Variants in PRELID2 observed in about 807,000 individuals in gnomAD.
PRELID2 encodes the protein PRELI domain containing 2.
In PRELID2, 25 loss-of-function variants were observed where a neutral mutation model predicts 28.4. That is an observed-to-expected ratio of 0.88 (90% CI 0.64 to 1.23). The LOEUF (loss-of-function observed/expected upper bound fraction) is 1.23, where lower values mean the gene tolerates loss of function less well. Among genes scored for constraint, PRELID2 ranks in the 50% most tolerant of loss-of-function variants. The probability of loss-of-function intolerance (pLI) is 0.00; values close to 1 mark genes in which losing one functional copy is unlikely to be tolerated. For synonymous variants in PRELID2, 76 were observed against 71.6 expected (o/e 1.06, Z -0.31); for missense variants, 201 against 214.4 (o/e 0.94, Z 0.39).
the PRELID2 span, among the ~76,000 whole-genome samples, chr5:145,361,221 C>G: frequency 2.0e-5 from 3 of 152,254 alleles, no homozygotes; most frequent in Admixed American, 2.0e-4. Context: ...TTTAAAAATG[C>G]AACTGTTTTC....
chr5:145,801,848 G>C (rs940550263), intron 4 of PRELID2, among the ~76,000 whole-genome samples: 2 of 152,130 alleles, frequency 1.3e-5, no homozygotes, highest in African/African-American at 4.8e-5. Context: ...ACCTGATTGT[G>C]CTTATTTCGC....
At chr5:145,565,194 C>T (rs1752954938) in intron 1 of PRELID2, among the ~76,000 whole-genome samples, 2 of 152,210 alleles carry the variant, frequency 1.3e-5, no homozygotes, top group African/African-American at 2.4e-5. Flanking sequence ...AAGCCATTTT[C>T]TAAACCTAAA....
intron 1 of PRELID2, among the ~76,000 whole-genome samples, chr5:145,543,109 A>T (rs1162416580): frequency 2.0e-5 from 3 of 152,084 alleles, no homozygotes; most frequent in African/African-American, 7.2e-5. Context: ...TCTAGGTCAA[A>T]TATTCCTACT....
chr5:145,568,953 A>G (rs1207118725), intron 1 of PRELID2, among the ~76,000 whole-genome samples: 1 of 152,246 alleles, frequency 6.6e-6, no homozygotes, highest in East Asian at 1.9e-4. Flanking sequence ...ATAAAGAAAC[A>G]TGGCAGTCTG....
At chr5:145,418,608 T>G in the PRELID2 span, among the ~76,000 whole-genome samples, 1 of 152,130 alleles carries the variant, frequency 6.6e-6, no homozygotes, top group Non-Finnish European at 1.5e-5. Context: ...CCATCTTATC[T>G]TCCACAAACC....
chr5:145,359,534 G>A, the PRELID2 span, among the ~76,000 whole-genome samples: 3 of 152,260 alleles, frequency 2.0e-5, no homozygotes, highest in East Asian at 5.8e-4. Context: ...ATGACCACAT[G>A]GTAGAAATAA....
chr5:145,494,341 T>G (rs1752291379), intron 1 of PRELID2, among the ~76,000 whole-genome samples: 1 of 152,170 alleles, frequency 6.6e-6, no homozygotes. Context: ...TAGGCACAAA[T>G]CAGTATTCAG....
intron 1 of PRELID2, among the ~76,000 whole-genome samples, chr5:145,559,064 C>T (rs1340874668): frequency 2.0e-5 from 3 of 152,032 alleles, no homozygotes; most frequent in Non-Finnish European, 4.4e-5. Flanking sequence ...ACCATCCTGG[C>T]TAACATGGTG....
intron 1 of PRELID2, among the ~76,000 whole-genome samples, chr5:145,491,785 A>T (rs1364517230): frequency 3.3e-5 from 5 of 151,932 alleles, no homozygotes; most frequent in African/African-American, 1.2e-4. Context: ...TCATATAATG[A>T]GATCATGTGG....
intron 1 of PRELID2, chr5:145,473,399 A>G (rs998352073): frequency 6.6e-6 from 1 of 152,194 alleles, no homozygotes; most frequent in Admixed American, 6.6e-5. Flanking sequence ...TAGTAAACAC[A>G]TAGGATTCCA....
chr5:145,528,728 GA>G (rs1561500426), intron 1 of PRELID2, among the ~76,000 whole-genome samples: 1 of 42,150 alleles, frequency 2.4e-5, no homozygotes, highest in African/African-American at 8.0e-5. Flanking sequence ...CACACACACA[GA>G]GAGAGAGAGA....
chr5:145,834,950 T>C, intron 1 of PRELID2: 1 of 434,880 alleles, frequency 2.3e-6, no homozygotes, highest in Non-Finnish European at 4.1e-6. Flanking sequence ...GAAAGCCTCT[T>C]CTTTCAGCTG....
In PRELID2 at chr5:145,595,161, GACACACAC is replaced by G. The variant is rs3038287; in HGVS notation, n.71-121854_71-121847del. ...AAGAAGAAGAAGAAGAGTCATAATA[GACACACAC>G]ACACACACACACACACACACACACA... On this transcript the variant is annotated intron_variant and non_coding_transcript_variant, in intron 1 of 2. Transcript: ENST00000510259. Among the ~76,000 whole-genome samples, 49 of 131,250 alleles carry G rather than the reference GACACACAC, an allele frequency of 3.7e-4. 1 individual carries two copies. The South Asian group carries it at 4.2e-3, about 11-fold the overall frequency. The allele number at this position is 131,250 out of a possible 152,430, so 86.1% of individuals were successfully genotyped here.
the PRELID2 span, among the ~76,000 whole-genome samples, chr5:145,400,799 A>G: frequency 6.6e-6 from 1 of 152,048 alleles, no homozygotes; most frequent in South Asian, 2.1e-4. Flanking sequence ...GAAACTCACT[A>G]CCCTACCATC....
the PRELID2 span, among the ~76,000 whole-genome samples, chr5:145,255,079 G>A: frequency 6.6e-6 from 1 of 152,020 alleles, no homozygotes; most frequent in Admixed American, 6.6e-5. Flanking sequence ...TTTGATAAAA[G>A]AAGAACAATG....
intron 1 of PRELID2, among the ~76,000 whole-genome samples, chr5:145,736,345 A>G (rs1473915661): frequency 1.3e-5 from 2 of 151,918 alleles, no homozygotes; most frequent in East Asian, 1.9e-4. Flanking sequence ...TGTCAGAATG[A>G]TGAGGAATCA....
chr5:145,286,695 AGTTTTTGTTTTTTTTTGTTTGTTTGTTT>A, the PRELID2 span, among the ~76,000 whole-genome samples: 7 of 131,694 alleles, frequency 5.3e-5, no homozygotes, highest in African/African-American at 2.2e-4. Flanking sequence ...CCAACATAGA[AGTTTTTGTTTTTTTTTGTTTGTTTGTTT>A]GTTTTTTTTT....
the PRELID2 span, among the ~76,000 whole-genome samples, chr5:145,378,944 C>T: frequency 5.9e-5 from 9 of 152,150 alleles, no homozygotes; most frequent in African/African-American, 1.4e-4. Context: ...TTGAGAGGGT[C>T]AACCTTTGGA....
chr5:145,595,652 C>A (rs1753295008), intron 1 of PRELID2, among the ~76,000 whole-genome samples: 1 of 152,088 alleles, frequency 6.6e-6, no homozygotes, highest in Non-Finnish European at 1.5e-5. Context: ...TGCTTGGACT[C>A]TCAGGTTTTT....
Sources: allele counts gnomAD v4.1 joint callset (sites outside exome capture counted in the v4.1 genomes callset), GRCh38; gene constraint gnomAD v4.1.1; transcripts MANE v1.5; gene names NCBI Gene and HGNC (gene_info 2026-07-23, HGNC 2026-07-21).